ADAMTSL1: variants seen among roughly 807,000 people sequenced by gnomAD.
ADAMTSL1 encodes the protein ADAMTS-like protein 1.
A neutral mutation model predicts 201.8 loss-of-function variants in ADAMTSL1; 126 were observed. The ratio of observed to expected loss-of-function variants is 0.62; its 90% CI spans 0.54 to 0.72. ADAMTSL1 has a LOEUF of 0.72. Ranked by LOEUF, ADAMTSL1 falls within the 30% of genes least tolerant of loss-of-function variation. The probability of loss-of-function intolerance (pLI) is 0.00; values close to 1 mark genes in which losing one functional copy is unlikely to be tolerated. For missense variants in ADAMTSL1, 2,679 were observed against 2,277.8 expected (o/e 1.18, Z -3.59); for synonymous variants, 1,121 against 903.4 (o/e 1.24, Z -4.32).
At chr9:18,516,178 A>G (rs949262225) in intron 2 of ADAMTSL1, among the ~76,000 whole-genome samples, 3 of 152,118 alleles carry the variant, frequency 2.0e-5, no homozygotes, top group Non-Finnish European at 4.4e-5. Context: ...CAATTTGTAG[A>G]AAATAGAAAA....
chr9:18,296,320 C>G (rs1833476365), intron 2 of ADAMTSL1, among the ~76,000 whole-genome samples: 1 of 151,940 alleles, frequency 6.6e-6, no homozygotes, highest in African/African-American at 2.4e-5. Context: ...AATTGACAAG[C>G]TGTAATAAAA....
chr9:18,233,286 A>C (rs1000775415), intron 2 of ADAMTSL1, among the ~76,000 whole-genome samples: 1 of 152,234 alleles, frequency 6.6e-6, no homozygotes, highest in African/African-American at 2.4e-5. Context: ...TAAATTGGAA[A>C]GTGTAAGAAT....
chr9:18,236,076 A>G (rs770377976), intron 2 of ADAMTSL1, among the ~76,000 whole-genome samples: 47 of 152,188 alleles, frequency 3.1e-4, no homozygotes, highest in Non-Finnish European at 3.5e-4. Context: ...ATATCCATTT[A>G]AATTCCAAAT....
intron 4 of ADAMTSL1, among the ~76,000 whole-genome samples, chr9:18,597,559 G>C (rs370694542): frequency 2.0e-5 from 3 of 152,238 alleles, no homozygotes; most frequent in African/African-American, 7.2e-5. Context: ...ATTAAAAATA[G>C]GCAAAGTAGA....
chr9:18,692,094 C>T (rs1831258365), intron 13 of ADAMTSL1, among the ~76,000 whole-genome samples: 1 of 152,102 alleles, frequency 6.6e-6, no homozygotes, highest in African/African-American at 2.4e-5. Flanking sequence ...CACCTTACTT[C>T]CTTTCTTCGT....
intron 3 of ADAMTSL1, among the ~76,000 whole-genome samples, chr9:18,571,141 C>G (rs959521217): frequency 6.6e-6 from 1 of 152,140 alleles, no homozygotes; most frequent in Non-Finnish European, 1.5e-5. Context: ...TCATAGGAGA[C>G]TCTGTAGAGG....
At chr9:18,521,040 T>C (rs1301173548) in intron 2 of ADAMTSL1, among the ~76,000 whole-genome samples, 4 of 152,158 alleles carry the variant, frequency 2.6e-5, no homozygotes, top group Non-Finnish European at 4.4e-5. Context: ...GGGGATGCAT[T>C]TATTTCTAGC....
chr9:18,480,184 T>C (rs141455652), intron 1 of ADAMTSL1, among the ~76,000 whole-genome samples: 257 of 152,316 alleles, frequency 1.7e-3, no homozygotes, highest in African/African-American at 6.1e-3. Context: ...GCAGAGACAA[T>C]GCTGTGGATT....
At chr9:18,145,585 T>C (rs961865644) in intron 1 of ADAMTSL1, among the ~76,000 whole-genome samples, 1 of 152,206 alleles carries the variant, frequency 6.6e-6, no homozygotes, top group African/African-American at 2.4e-5. Context: ...ACAGACCTCA[T>C]ATCTTTCATA....
At chr9:18,807,762 T>C (rs1340278768) in intron 20 of ADAMTSL1, among the ~76,000 whole-genome samples, 1 of 152,188 alleles carries the variant, frequency 6.6e-6, no homozygotes, top group Non-Finnish European at 1.5e-5. Context: ...TTTCTGTTTT[T>C]CCTATTCTGA....
chr9:17,946,909 C>T (rs960881974), intron 1 of ADAMTSL1, among the ~76,000 whole-genome samples: 4 of 151,998 alleles, frequency 2.6e-5, no homozygotes, highest in Admixed American at 2.0e-4. Flanking sequence ...GAGCAGAATG[C>T]AATAAATTCA....
chr9:18,017,701 C>T (rs143877450), intron 1 of ADAMTSL1, among the ~76,000 whole-genome samples: 1 of 151,966 alleles, frequency 6.6e-6, no homozygotes, highest in African/African-American at 2.4e-5. Context: ...TCTGGAGGAG[C>T]TGTGAACTGG....
rs543018813 is a variant in ADAMTSL1, at chr9:18,688,872, C to T, written c.1574+4072C>T. Among the ~76,000 whole-genome samples, 61 of 149,684 alleles carry T rather than the reference C, an allele frequency of 4.1e-4. No individual in the cohort carries two copies. In the South Asian group the frequency reaches 0.012, roughly 29 times the overall value. On this transcript the variant is annotated intron_variant, in intron 13 of 28. Transcript: ENST00000380548. ...AGACTCTGGGAGAGTTCCATTTTTC[C>T]GAGGGTAATAGCAGTGCCGTGCTAG...
intron 23 of ADAMTSL1, among the ~76,000 whole-genome samples, chr9:18,879,877 A>G (rs1030883858): frequency 6.6e-6 from 1 of 152,206 alleles, no homozygotes; most frequent in Non-Finnish European, 1.5e-5. Flanking sequence ...ACTTCTTTCA[A>G]AATTGGTGTC....
At chr9:18,801,882 C>A (rs1001487909) in intron 20 of ADAMTSL1, among the ~76,000 whole-genome samples, 4 of 152,064 alleles carry the variant, frequency 2.6e-5, no homozygotes, top group African/African-American at 4.8e-5. Flanking sequence ...TGGGTATATA[C>A]CTAATAATGG....
At chr9:17,970,930 G>T (rs555032538) in intron 1 of ADAMTSL1, among the ~76,000 whole-genome samples, 2 of 150,678 alleles carry the variant, frequency 1.3e-5, no homozygotes, top group East Asian at 3.9e-4. Context: ...TTGAATTTAT[G>T]TATGCAATCA....
Position 18,680,516 on chromosome 9 carries a change from G to A in ADAMTSL1, c.1341G>A (p.Pro447=), listed in dbSNP as rs778333493. ...AATGGCTGGCACAGGAGTGGTCTCC[G>A]GTAACTGTGCCTTCTTTCTTTGTTC... The part of the protein sequence containing the change: ...CPKWLAQEWS[P]CTVTCGQGLR... Residue 447 remains proline, a splice_region_variant and synonymous_variant, in exon 11 of 29, where the codon CCG becomes CCA. Coordinates refer to ENST00000380548, the MANE Select transcript of ADAMTSL1 (RefSeq NM_001040272.6). 4 of 1,613,942 alleles carry A rather than the reference G, an allele frequency of 2.5e-6. No individual in the cohort carries two copies. The highest frequency in any genetic ancestry group is 2.2e-5 in the East Asian group (1 of 44,870).
At chr9:18,288,289 C>A (rs147856729) in intron 2 of ADAMTSL1, among the ~76,000 whole-genome samples, 1 of 152,194 alleles carries the variant, frequency 6.6e-6, no homozygotes, top group East Asian at 1.9e-4. Flanking sequence ...AAGCAGTTAT[C>A]AAGAAAGAAC....
chr9:18,552,248 T>C (rs1460678896), intron 3 of ADAMTSL1, among the ~76,000 whole-genome samples: 1 of 151,862 alleles, frequency 6.6e-6, no homozygotes, highest in Admixed American at 6.6e-5. Flanking sequence ...AATACAGCTT[T>C]AGTTGCATCC....
Sources: allele counts gnomAD v4.1 joint callset (sites outside exome capture counted in the v4.1 genomes callset), GRCh38; gene constraint gnomAD v4.1.1; transcripts MANE v1.5; gene names NCBI Gene and HGNC (gene_info 2026-07-23, HGNC 2026-07-21).